The following NPC1 variants were observed in gnomAD, a reference collection of about 807,000 sequenced individuals.
The protein encoded by NPC1 is NPC intracellular cholesterol transporter 1.
A neutral mutation model predicts 140.4 loss-of-function variants in NPC1; 85 were observed. The ratio of observed to expected loss-of-function variants is 0.61; its 90% CI spans 0.51 to 0.72. The LOEUF is 0.72. NPC1 is among the 30% of genes least tolerant of loss of function. The pLI, the probability that NPC1 is intolerant of heterozygous loss-of-function variation, is 0.00. For synonymous variants in NPC1, 656 were observed against 624.8 expected, an observed-to-expected ratio of 1.05 and a Z score of -0.74; for missense variants, 1,504 against 1,623.8, an observed-to-expected ratio of 0.93 and a Z score of 1.27.
chr18:23,573,406 T>C (rs772872852), intron 2 of NPC1, 46 bp downstream of exon 2: 9 of 1,613,280 alleles, frequency 5.6e-6, no homozygotes, highest in Non-Finnish European at 7.6e-6. Flanking sequence ...CAGAGGATCT[T>C]GTGATCAGCA....
chr18:23,538,617 C>T lies in NPC1; in HGVS notation c.2966G>A (p.Arg989Lys). 6.2e-7 allele frequency: 1 copy of T among 1,614,196 alleles called. No individual in the cohort carries two copies. The highest frequency in any genetic ancestry group is 8.5e-7 in the Non-Finnish European group (1 of 1,180,036). Reference sequence around the variant, plus strand: ...TCTCATGAAGTCTCCCCCCTGAGGCCTCTGTTTGCCTTCCGGAGTCAGAGG... The same window carrying T: ...TCTCATGAAGTCTCCCCCCTGAGGCTTCTGTTTGCCTTCCGGAGTCAGAGG... ...CRPLTPEGKQ[R>K]PQGGDFMRFL... is the part of the protein sequence containing the mutation. The change falls in exon 20 of 25, where the codon AGG becomes AAG. Residue 989 changes from arginine (R) to lysine (K), a missense_variant. Physicochemically the swap from Arg to Lys is conservative, Grantham distance 26. Transcript: ENST00000269228.
downstream of NPC1, among the ~76,000 whole-genome samples, chr18:23,518,363 G>C (rs1350561724): frequency 1.3e-5 from 2 of 152,062 alleles, no homozygotes; most frequent in Admixed American, 1.3e-4. Flanking sequence ...ACGGTGGCAC[G>C]TGCATGTAGT....
intron 24 of NPC1, 118 bp downstream of exon 24, chr18:23,533,237 A>G (rs1175560447): frequency 5.3e-6 from 6 of 1,129,808 alleles, no homozygotes; most frequent in African/African-American, 3.1e-5. Flanking sequence ...AGTATCATTT[A>G]TCATTATCAA....
intron 4 of NPC1, among the ~76,000 whole-genome samples, chr18:23,566,772 T>G (rs2059131559): frequency 6.6e-6 from 1 of 152,242 alleles, no homozygotes; most frequent in African/African-American, 2.4e-5. Context: ...CATATAAACA[T>G]GTAACCACCA....
chr18:23,550,347 T>C (rs1191089212), intron 10 of NPC1, among the ~76,000 whole-genome samples: 1 of 152,074 alleles, frequency 6.6e-6, no homozygotes, highest in African/African-American at 2.4e-5. Context: ...TCTCCACAAA[T>C]GAACATGTAC....
chr18:23,515,313 C>A (rs948830897), intron 3 of NPC1, among the ~76,000 whole-genome samples: 3 of 152,144 alleles, frequency 2.0e-5, no homozygotes, highest in African/African-American at 7.2e-5. Flanking sequence ...ACTCTTGGAG[C>A]CTTGTTTCTC....
intron 1 of NPC1, chr18:23,524,283 A>G (rs1188601018): frequency 2.7e-6 from 4 of 1,500,898 alleles, no homozygotes; most frequent in Non-Finnish European, 3.7e-6. Context: ...TCCGAGAGCC[A>G]CCCCGCAGGC....
Position 23,541,182 on chromosome 18 carries a change from A to G in NPC1, c.2400T>C (p.Cys800=). The part of the protein sequence containing the change: ...QEKNRLDIFC[C]VRGAEDGTSV... ...TTGTTCCATCTTCAGCACCTCTGAC[A>G]CAGCAAAAGATGTCTAGCCGATTTT... The change falls in exon 16 of 25, where the codon TGT becomes TGC. Residue 800 remains cysteine (C), a synonymous_variant. Coordinates refer to ENST00000269228, the MANE Select transcript of NPC1 (RefSeq NM_000271.5). The G allele has an allele frequency of 6.2e-7, 1 of 1,614,230 alleles. No homozygotes were observed. The highest frequency in any genetic ancestry group is 1.1e-5 in the South Asian group (1 of 91,084).
chr18:23,584,873 A>G (rs1006352570), intron 1 of NPC1, among the ~76,000 whole-genome samples: 4 of 152,092 alleles, frequency 2.6e-5, no homozygotes, highest in Non-Finnish European at 4.4e-5. Flanking sequence ...AGGGAAGCCT[A>G]TTTAAGGTCC....
At chr18:23,575,360 G>T (rs7232567) in intron 1 of NPC1, among the ~76,000 whole-genome samples, 3 of 152,144 alleles carry the variant, frequency 2.0e-5, no homozygotes, top group African/African-American at 7.2e-5. Context: ...GTGAGAAGGC[G>T]GCACGGAGTG....
chr18:23,585,190 G>A (rs928327566), intron 1 of NPC1, among the ~76,000 whole-genome samples: 2 of 152,148 alleles, frequency 1.3e-5, no homozygotes, highest in Admixed American at 6.5e-5. Flanking sequence ...TGCCCAGGCT[G>A]GAGTACACCG....
intron 3 of NPC1, among the ~76,000 whole-genome samples, chr18:23,569,707 C>T (rs566226068): frequency 2.4e-4 from 36 of 152,268 alleles, no homozygotes; most frequent in Non-Finnish European, 3.4e-4. Context: ...TTTCAAGCCC[C>T]GGAAAATCAC....
At chr18:23,508,123 C>A in intron 3 of NPC1, 1 of 1,258,226 alleles carries the variant, frequency 7.9e-7, no homozygotes, top group South Asian at 1.8e-5. Flanking sequence ...GCATTGGGGT[C>A]GCAGGGAGCA....
intron 1 of NPC1, chr18:23,582,143 G>A (rs2059364320): frequency 6.6e-6 from 1 of 152,186 alleles, no homozygotes; most frequent in Admixed American, 6.5e-5. Context: ...TTTTAAATGG[G>A]TTAATTCTTT....
At chr18:23,559,156 T>A (rs1299881633) in intron 6 of NPC1, among the ~76,000 whole-genome samples, 1 of 152,226 alleles carries the variant, frequency 6.6e-6, no homozygotes, top group East Asian at 1.9e-4. Flanking sequence ...AAGTCTTTGC[T>A]ATTGTGAATA....
downstream of NPC1, among the ~76,000 whole-genome samples, chr18:23,526,189 T>C (rs1242701777): frequency 6.6e-6 from 1 of 152,252 alleles, no homozygotes. Context: ...TGAGTTATGA[T>C]GTTCCATTGA....
In NPC1 at chr18:23,537,395, TG is replaced by T. The variant is rs2058648012; in HGVS notation, c.3042-520del. ...CCTGGCCAGATGGGCTTTTCTCGATTGCTCTGGGTTCTTTGGTACATAGCTG... is the reference window on the plus strand; with the variant it reads ...CCTGGCCAGATGGGCTTTTCTCGATTCTCTGGGTTCTTTGGTACATAGCTG... On this transcript the variant is annotated intron_variant, in intron 20 of 24. Transcript: ENST00000269228. 2.0e-5 allele frequency among the ~76,000 whole-genome samples: 3 copies of T among 152,188 alleles called. No homozygotes were observed. In the South Asian group the frequency reaches 6.2e-4, roughly 32 times the overall value.
intron 5 of NPC1, among the ~76,000 whole-genome samples, chr18:23,560,742 A>G (rs895997470): frequency 4.6e-5 from 7 of 152,194 alleles, no homozygotes; most frequent in Admixed American, 3.3e-4. Flanking sequence ...CAACCCTTCA[A>G]TCATGTCCCA....
chr18:23,512,163 G>C (rs902524871), intron 3 of NPC1, among the ~76,000 whole-genome samples: 1 of 151,826 alleles, frequency 6.6e-6, no homozygotes, highest in Non-Finnish European at 1.5e-5. Context: ...TGGGTCTACA[G>C]GCGCCCAGCA....
Sources: allele counts gnomAD v4.1 joint callset (sites outside exome capture counted in the v4.1 genomes callset), GRCh38; gene constraint gnomAD v4.1.1; transcripts MANE v1.5; gene names NCBI Gene and HGNC (gene_info 2026-07-23, HGNC 2026-07-21).